The following C18orf54 variants were observed in gnomAD, a reference collection of about 807,000 sequenced individuals.
C18orf54 encodes the protein chromosome 18 open reading frame 54.
In C18orf54, 49 loss-of-function variants were observed where a neutral mutation model predicts 49.3. The ratio of observed to expected loss-of-function variants is 0.99; its 90% CI spans 0.79 to 1.26. C18orf54 has a LOEUF of 1.26. Ranked by LOEUF, C18orf54 falls within the 50% of genes most tolerant of loss-of-function variation. The probability of loss-of-function intolerance (pLI) is 0.00; values close to 1 mark genes in which losing one functional copy is unlikely to be tolerated. For missense variants in C18orf54, 687 were observed against 620.6 expected (o/e 1.11, Z -1.14); for synonymous variants, 211 against 216.6 (o/e 0.97, Z 0.23).
chr18:54,374,739 A>G (rs1266346485), intron 8 of C18orf54, among the ~76,000 whole-genome samples: 1 of 151,922 alleles, frequency 6.6e-6, no homozygotes, highest in Non-Finnish European at 1.5e-5. Context: ...CAGTGTCTTA[A>G]ATAATAAAAT....
In C18orf54 at chr18:54,363,024, C is replaced by G. The variant is rs185849936; in HGVS notation, c.1223+103C>G. 4,239 of 1,110,926 alleles carry G rather than the reference C, an allele frequency of 3.8e-3. 15 individuals are homozygous for G. The highest frequency in any genetic ancestry group is 4.7e-3 in the Non-Finnish European group (3,732 of 787,616). The allele number at this position is 1,110,926 out of a possible 1,614,324, so 68.8% of individuals were successfully genotyped here. ...CGAACGGTAATTAATAATATTGTAA[C>G]TCCATAGAACATAGCTTTGTGTTAC... is the stretch of plus-strand genomic sequence containing the variant. On this transcript the variant is annotated intron_variant, in intron 5 of 8. Transcript: ENST00000620105.
chr18:54,377,031 TA>T (rs2089586331), intron 8 of C18orf54, among the ~76,000 whole-genome samples: 1 of 151,964 alleles, frequency 6.6e-6, no homozygotes. Context: ...TTTTTAAATT[TA>T]ATTTTGTTTT....
At chr18:54,366,849 TA>T (rs1363573554) in intron 6 of C18orf54, among the ~76,000 whole-genome samples, 1 of 152,104 alleles carries the variant, frequency 6.6e-6, no homozygotes, top group Non-Finnish European at 1.5e-5. Context: ...AATACTAATT[TA>T]TATTCCACAA....
chr18:54,374,484 C>A (rs774352569), intron 8 of C18orf54, among the ~76,000 whole-genome samples, 200 bp downstream of exon 8: 2 of 151,714 alleles, frequency 1.3e-5, no homozygotes, highest in Non-Finnish European at 1.5e-5. Context: ...TTCTAAGGAC[C>A]TAATGAGATA....
intron 1 of C18orf54, 183 bp from the exon 2 acceptor site, chr18:54,358,591 C>G (rs1162567701): frequency 6.6e-6 from 1 of 152,212 alleles, no homozygotes; most frequent in Non-Finnish European, 1.5e-5. Flanking sequence ...ACGATGCGCA[C>G]TGCTGGAGAC....
At position 54,372,550 on chromosome 18, in the gene C18orf54, C is replaced by T. The variant is rs760888628; in HGVS notation, c.1411C>T (p.Arg471Cys). Reference protein sequence around the residue: ...MLFNLQAVQERFNQNKTTDPK... With the variant: ...MLFNLQAVQECFNQNKTTDPK... ...ATTTAACCTTCAAGCAGTACAAGAA[C>T]GTTTTAATCAAAATAAGACCACAGA... Residue 471 changes from arginine to cysteine, a missense_variant, in exon 7 of 9, where the codon CGT becomes TGT. Physicochemically the swap from Arg to Cys is radical, Grantham distance 180. Transcript: ENST00000620105. 2.3e-5 allele frequency: 37 copies of T among 1,609,632 alleles called. No individual in the cohort carries two copies. The highest frequency in any genetic ancestry group is 1.3e-4 in the African/African-American group (10 of 74,862).
chr18:54,362,898 A>T lies in C18orf54; in HGVS notation c.1200A>T (p.Ser400=), dbSNP rs760532831. 1.3e-6 allele frequency: 2 copies of T among 1,599,892 alleles called. No homozygotes were observed. The highest frequency in any genetic ancestry group is 1.7e-6 in the Non-Finnish European group (2 of 1,176,952). ...CSLDKLEADR[S]WENIPVTFKS... ...TAGATAAACTTGAAGCAGACAGATC[A>T]TGGGAAAATATTCCTGTTACTTTGT... The change falls in exon 5 of 9, where the codon TCA becomes TCT. Residue 400 remains serine (S), a synonymous_variant. Transcript: ENST00000620105.
chr18:54,365,572 C>T, intron 5 of C18orf54, 147 bp from the exon 6 acceptor site: 1 of 461,622 alleles, frequency 2.2e-6, no homozygotes, highest in Non-Finnish European at 3.9e-6. Context: ...AAGGGAATTA[C>T]CATACAACAT....
chr18:54,361,719 C>T lies in C18orf54; in HGVS notation c.360C>T (p.Ser120=). ...CRRHTVNDID[S]MSLTTDDLLR... ...GACACACCGTTAATGACATAGACTC[C>T]ATGAGCCTAACAACTGATGATCTAT... The change falls in exon 4 of 9, where the codon TCC becomes TCT. Residue 120 remains serine (S), a synonymous_variant. Coordinates refer to ENST00000620105, the MANE Select transcript of C18orf54 (RefSeq NM_001288980.2). 5 of 1,613,552 alleles carry T rather than the reference C, an allele frequency of 3.1e-6. No individual in the cohort carries two copies. Among genetic ancestry groups the T allele is most frequent in the Non-Finnish European group, 3.4e-6 (4 of 1,179,486 alleles).
rs1350660336 is a variant in C18orf54, at chr18:54,382,021, A to G, written c.*3775A>G. 6.6e-6 allele frequency: 1 copy of G among 152,186 alleles called. No homozygotes were observed. Among genetic ancestry groups the G allele is most frequent in the African/African-American group, 2.4e-5 (1 of 41,458 alleles). 9.4% of individuals were successfully genotyped at this position (152,186 alleles called of 1,614,324 possible). On this transcript the variant is annotated 3_prime_UTR_variant, in exon 9 of 9. Transcript: ENST00000620105. ...GTTGTAAGTTCAAGATAAAGAGACC[A>G]CATTCTTTACTCATGTGAGGTTCTG...
intron 6 of C18orf54, among the ~76,000 whole-genome samples, chr18:54,370,699 C>G (rs1327426336): frequency 6.6e-6 from 1 of 152,180 alleles, no homozygotes; most frequent in Non-Finnish European, 1.5e-5. Flanking sequence ...AACATTGGCA[C>G]AAACAGTTCA....
intron 8 of C18orf54, 81 bp downstream of exon 8, chr18:54,374,365 G>A: frequency 1.4e-6 from 2 of 1,416,028 alleles, no homozygotes; most frequent in Non-Finnish European, 9.4e-7. Flanking sequence ...GTAGAAGTAA[G>A]TAGTTTTAAG....
intron 2 of C18orf54, among the ~76,000 whole-genome samples, 183 bp from the exon 3 acceptor site, chr18:54,360,344 A>G (rs755624039): frequency 6.6e-6 from 1 of 152,234 alleles, no homozygotes. Flanking sequence ...TTTCTAAATC[A>G]TTGATGAAGG....
intron 6 of C18orf54, among the ~76,000 whole-genome samples, chr18:54,370,787 A>T (rs2089472707): frequency 6.6e-6 from 1 of 152,164 alleles, no homozygotes; most frequent in South Asian, 2.1e-4. Flanking sequence ...TCAGACATAA[A>T]TTCCAGAGGC....
At chr18:54,372,187 A>G (rs1422571415) in intron 6 of C18orf54, among the ~76,000 whole-genome samples, 1 of 152,044 alleles carries the variant, frequency 6.6e-6, no homozygotes, top group African/African-American at 2.4e-5. Flanking sequence ...TGCGAAATTA[A>G]TTTGTCATAA....
Position 54,382,032 on chromosome 18 carries a change from T to A in C18orf54, c.*3786T>A, listed in dbSNP as rs1444203762. ...AAGATAAAGAGACCACATTCTTTAC[T>A]CATGTGAGGTTCTGGAAATCCTTTA... On this transcript the variant is annotated 3_prime_UTR_variant, in exon 9 of 9. Transcript: ENST00000620105. The A allele has an allele frequency of 6.6e-6, 1 of 152,228 alleles. No individual in the cohort carries two copies. Among genetic ancestry groups the A allele is most frequent in the East Asian group, 1.9e-4 (1 of 5,204 alleles). 9.4% of individuals were successfully genotyped at this position (152,228 alleles called of 1,614,324 possible). A position where few individuals can be genotyped will look rare whatever the true frequency, so the allele number is the denominator to read the frequency against.
Position 54,361,849 on chromosome 18 carries a change from A to T in C18orf54, c.490A>T (p.Ile164Phe). 2 of 1,614,134 alleles carry T rather than the reference A, an allele frequency of 1.2e-6. No individual in the cohort carries two copies. The highest frequency in any genetic ancestry group is 1.7e-6 in the Non-Finnish European group (2 of 1,179,998). ...CCGTGGAAGACTGGGTTCATTGGACATTGAGAAGAATCCACATTTTCAAGG... is the reference window on the plus strand; with the variant it reads ...CCGTGGAAGACTGGGTTCATTGGACTTTGAGAAGAATCCACATTTTCAAGG... ...KCRGRLGSLD[I>F]EKNPHFQGPY... Residue 164 changes from isoleucine (I) to phenylalanine (F), a missense_variant, in exon 4 of 9, where the codon ATT (isoleucine) becomes TTT (phenylalanine). Coordinates refer to ENST00000620105, the MANE Select transcript of C18orf54 (RefSeq NM_001288980.2).
In C18orf54 at chr18:54,380,860, C is replaced by T. The variant is rs1198014774; in HGVS notation, c.*2614C>T. The T allele has an allele frequency of 6.6e-6, 1 of 152,020 alleles. No homozygotes were observed. Among genetic ancestry groups the T allele is most frequent in the African/African-American group, 2.4e-5 (1 of 41,392 alleles). The allele number at this position is 152,020 out of a possible 1,614,324, so 9.4% of individuals were successfully genotyped here. A position where few individuals can be genotyped will look rare whatever the true frequency, so the allele number is the denominator to read the frequency against. On this transcript the variant is annotated 3_prime_UTR_variant, in exon 9 of 9. Coordinates refer to ENST00000620105, the MANE Select transcript of C18orf54 (RefSeq NM_001288980.2). ...ATTTTTGTTTCATTTTTTTCTGTCCCACCCTTCACTCTCTCTGTTTCAGAA... is the reference window on the plus strand; with the variant it reads ...ATTTTTGTTTCATTTTTTTCTGTCCTACCCTTCACTCTCTCTGTTTCAGAA...
chr18:54,369,683 G>A (rs1484706477), intron 6 of C18orf54, among the ~76,000 whole-genome samples: 2 of 151,852 alleles, frequency 1.3e-5, no homozygotes, highest in African/African-American at 4.8e-5. Flanking sequence ...TGGCCAGGCT[G>A]GTCTTGAACT....
Sources: gnomAD v4.1 joint callset for allele counts (sites outside exome capture counted in the v4.1 genomes callset) on GRCh38, gnomAD v4.1.1 for gene constraint, MANE v1.5 for transcripts, NCBI Gene and HGNC (gene_info 2026-07-23, HGNC 2026-07-21) for gene names.